Variants in TMCO6 observed in about 807,000 individuals in gnomAD.
TMCO6 encodes transmembrane and coiled-coil domain-containing protein 6.
In TMCO6, 47 loss-of-function variants were observed where a neutral mutation model predicts 61.8. That is an observed-to-expected ratio of 0.76 (90% CI 0.60 to 0.97). TMCO6 has a LOEUF of 0.97. Ranked by LOEUF, TMCO6 falls within the 50% of genes least tolerant of loss-of-function variation. The probability of loss-of-function intolerance (pLI) is 0.00; values close to 1 mark genes in which losing one functional copy is unlikely to be tolerated. For missense variants in TMCO6, 557 were observed against 601.6 expected, an observed-to-expected ratio of 0.93 and a Z score of 0.78; for synonymous variants, 261 against 254.2, an observed-to-expected ratio of 1.03 and a Z score of -0.25.
the TMCO6 span, among the ~76,000 whole-genome samples, chr5:140,600,624 C>T: frequency 6.6e-6 from 1 of 152,050 alleles, no homozygotes; most frequent in Non-Finnish European, 1.5e-5. Flanking sequence ...GCCACTGTGC[C>T]CGGATAATTT....
At chr5:140,602,536 C>T in the TMCO6 span, among the ~76,000 whole-genome samples, 4 of 151,602 alleles carry the variant, frequency 2.6e-5, no homozygotes, top group African/African-American at 4.9e-5. Flanking sequence ...GGCTGAGGCA[C>T]GTGGATCACT....
chr5:140,642,027 C>G lies in TMCO6; in HGVS notation c.472C>G (p.Leu158Val). The change falls in exon 4 of 12, where the codon CTC becomes GTC. Residue 158 changes from leucine to valine, a missense_variant. By Grantham distance (32) the Leu-to-Val change is conservative. Coordinates refer to ENST00000394671, the MANE Select transcript of TMCO6 (RefSeq NM_018502.5). ...LPATSYLLTY[L>V]SSHSSDFIEL... is the part of the protein sequence containing the mutation. ...AGCCACTTCTTACCTCCTCACCTAC[C>G]TCTCCAGTCACAGCTCAGACTTCAT... is the stretch of plus-strand genomic sequence containing the variant. 6.2e-7 allele frequency: 1 copy of G among 1,611,356 alleles called. No individual in the cohort carries two copies. Among genetic ancestry groups the G allele is most frequent in the Non-Finnish European group, 8.5e-7 (1 of 1,177,628 alleles).
downstream of TMCO6, chr5:140,647,145 G>C: frequency 8.5e-7 from 1 of 1,179,116 alleles, no homozygotes; most frequent in Non-Finnish European, 1.2e-6. Context: ...CAAGGCTAAA[G>C]TCCGAGTTCT....
chr5:140,632,959 GCAA>G, the TMCO6 span: 1 of 1,614,126 alleles, frequency 6.2e-7, no homozygotes, highest in Non-Finnish European at 8.5e-7. This position sits in a 1 kb window ranked among gnomAD's most constrained non-coding sequence, Gnocchi z 6.2. Context: ...AGCAGCAGCA[GCAA>G]CAAGCAGGAC....
the TMCO6 span, chr5:140,632,460 A>G: frequency 8.1e-6 from 13 of 1,614,206 alleles, no homozygotes; most frequent in Non-Finnish European, 1.1e-5. This position sits in a 1 kb window ranked among gnomAD's most constrained non-coding sequence, Gnocchi z 6.2. Flanking sequence ...GGCAATGCTC[A>G]GTACCTTGAG....
rs201570076 is a variant in TMCO6, at chr5:140,641,680, C to T, written c.214C>T (p.Arg72Trp). The change falls in exon 3 of 12, where the codon CGG becomes TGG. Residue 72 changes from arginine (R) to tryptophan (W), a missense_variant. Physicochemically the swap from Arg to Trp is moderately radical, Grantham distance 101. Transcript: ENST00000394671. ...TGAACTCCAGGTGCAGCAGTTCCTG[C>T]GGCAAGCCCAGCGGGGGACAGAGGA... is the stretch of plus-strand genomic sequence containing the variant. Reference protein sequence around the residue: ...LGETEVQQFLRQAQRGTEEKE... With the variant: ...LGETEVQQFLWQAQRGTEEKE... The T allele has an allele frequency of 1.6e-4, 264 of 1,613,822 alleles. No homozygotes were observed. Among genetic ancestry groups the T allele is most frequent in the Non-Finnish European group, 1.9e-4 (227 of 1,179,982 alleles).
At chr5:140,642,801 G>C (rs1013727620) in intron 6 of TMCO6, 124 bp from the exon 7 acceptor site, 1 of 1,594,058 alleles carries the variant, frequency 6.3e-7, no homozygotes, top group African/African-American at 1.3e-5. Context: ...AGGGCTTTGG[G>C]TTTGGACACT....
chr5:140,646,664 C>T (rs1220854391), downstream of TMCO6, among the ~76,000 whole-genome samples: 1 of 152,092 alleles, frequency 6.6e-6, no homozygotes. Flanking sequence ...CAATACATTG[C>T]CATGCCAGTC....
the TMCO6 span, among the ~76,000 whole-genome samples, chr5:140,597,973 A>T: frequency 6.6e-6 from 1 of 152,174 alleles, no homozygotes; most frequent in Admixed American, 6.5e-5. Flanking sequence ...AGATGGCAAA[A>T]AAGAAAGTTG....
At chr5:140,637,994 T>C (rs773183317), upstream of TMCO6, among the ~76,000 whole-genome samples, 2 of 146,624 alleles carry the variant, frequency 1.4e-5, no homozygotes, top group Non-Finnish European at 2.9e-5. Context: ...TTTCTTTCTT[T>C]CTTCCTTCCT....
chr5:140,645,231 G>A lies in TMCO6; in HGVS notation c.*133G>A. ...CCCACACCTAAGCCAAGACCTTTGGGTCCCAGCTCCTCCCCTTCCACTCAG... is the reference window on the plus strand; with the variant it reads ...CCCACACCTAAGCCAAGACCTTTGGATCCCAGCTCCTCCCCTTCCACTCAG... On this transcript the variant is annotated 3_prime_UTR_variant, in exon 12 of 12. Coordinates refer to ENST00000394671, the MANE Select transcript of TMCO6 (RefSeq NM_018502.5). 1 of 899,694 alleles carries A rather than the reference G, an allele frequency of 1.1e-6. No homozygotes were observed. Among genetic ancestry groups the A allele is most frequent in the East Asian group, 2.6e-5 (1 of 38,160 alleles). The allele number at this position is 899,694 out of a possible 1,614,324, so 55.7% of individuals were successfully genotyped here. A position where few individuals can be genotyped will look rare whatever the true frequency, so the allele number is the denominator to read the frequency against.
At chr5:140,622,726 A>C in the TMCO6 span, among the ~76,000 whole-genome samples, 2 of 56,424 alleles carry the variant, frequency 3.5e-5, no homozygotes, top group African/African-American at 2.5e-4. Context: ...TTTAGCTACA[A>C]AAAAAAAAAA....
At chr5:140,617,648 C>T in the TMCO6 span, among the ~76,000 whole-genome samples, 9 of 150,954 alleles carry the variant, frequency 6.0e-5, no homozygotes, top group African/African-American at 9.8e-5. Context: ...GCAGGAGAAT[C>T]GCTTGAACCC....
the TMCO6 span, chr5:140,633,223 T>A: frequency 1.1e-6 from 1 of 927,934 alleles, no homozygotes; most frequent in Non-Finnish European, 1.7e-6. Flanking sequence ...GGGATGTCAT[T>A]CAGTTCCCTC....
the TMCO6 span, among the ~76,000 whole-genome samples, chr5:140,634,218 C>T: frequency 6.6e-6 from 1 of 152,150 alleles, no homozygotes; most frequent in Non-Finnish European, 1.5e-5. Flanking sequence ...CCCACTTGCA[C>T]GTTGCTCTCT....
the TMCO6 span, among the ~76,000 whole-genome samples, chr5:140,614,258 C>G: frequency 6.6e-6 from 1 of 151,968 alleles, no homozygotes; most frequent in Non-Finnish European, 1.5e-5. Context: ...CCTGTAATCC[C>G]AGCACTTTGG....
chr5:140,626,281 A>G, the TMCO6 span, among the ~76,000 whole-genome samples: 3 of 151,968 alleles, frequency 2.0e-5, no homozygotes, highest in African/African-American at 4.8e-5. Flanking sequence ...GCTGGAATGC[A>G]ATGGTGTACT....
Position 140,644,138 on chromosome 5 carries a change from G to C in TMCO6, c.1144G>C (p.Asp382His). The change falls in exon 10 of 12, where the codon GAT becomes CAT. Residue 382 changes from aspartate (D) to histidine (H), a missense_variant. Coordinates refer to ENST00000394671, the MANE Select transcript of TMCO6 (RefSeq NM_018502.5). Reference sequence around the variant, plus strand: ...TTTCTGTACCTCCTTGCTCTCCCTGGATCTGATTGAGCCTCTCTTACAGCT... The same window carrying C: ...TTTCTGTACCTCCTTGCTCTCCCTGCATCTGATTGAGCCTCTCTTACAGCT... ...PSFCTSLLSL[D>H]LIEPLLQLLP... 2 of 1,614,194 alleles carry C rather than the reference G, an allele frequency of 1.2e-6. No homozygotes were observed. Among genetic ancestry groups the C allele is most frequent in the Non-Finnish European group, 8.5e-7 (1 of 1,180,046 alleles).
the TMCO6 span, among the ~76,000 whole-genome samples, chr5:140,601,697 G>T: frequency 6.6e-6 from 1 of 152,136 alleles, no homozygotes; most frequent in Admixed American, 6.5e-5. Context: ...TGTATTCCCT[G>T]TGCCAGCAGT....
Sources: gnomAD v4.1 joint callset for allele counts (sites outside exome capture counted in the v4.1 genomes callset) on GRCh38, gnomAD v4.1.1 for gene constraint, Gnocchi (gnomAD v3.1) non-coding constraint, MANE v1.5 for transcripts, NCBI Gene and HGNC (gene_info 2026-07-23, HGNC 2026-07-21) for gene names.